The following TGFBR3 variants were observed in gnomAD, a reference collection of about 807,000 sequenced individuals.
TGFBR3 encodes the protein transforming growth factor beta receptor type 3.
In TGFBR3, 46 loss-of-function variants were observed where a neutral mutation model predicts 87.9. The observed-to-expected ratio is 0.52, with a 90% CI of 0.41 to 0.67. The LOEUF (loss-of-function observed/expected upper bound fraction) is 0.67, where lower values mean the gene tolerates loss of function less well. TGFBR3 is among the 30% of genes least tolerant of loss of function. TGFBR3 has a pLI of 0.00. For synonymous variants in TGFBR3, 381 were observed against 391.6 expected (o/e 0.97, Z 0.32); for missense variants, 866 against 1,041.9 (o/e 0.83, Z 2.32).
In TGFBR3 at chr1:91,881,784, A is replaced by T. The variant is rs993234028; in HGVS notation, c.-114+4094T>A. 3.3e-5 allele frequency among the ~76,000 whole-genome samples: 5 copies of T among 152,178 alleles called. No individual in the cohort carries two copies. In the East Asian group the frequency reaches 9.6e-4, roughly 29 times the overall value. ...GCCGGGCACAGTCGCTCACGCCTAT[A>T]ATCCCAGCACTTTGGGAGGCCGAGG... On this transcript the variant is annotated intron_variant, in intron 1 of 16. Coordinates refer to ENST00000212355, the MANE Select transcript of TGFBR3 (RefSeq NM_003243.5).
chr1:91,790,468 A>C (rs992140845), intron 3 of TGFBR3, among the ~76,000 whole-genome samples: 6 of 152,224 alleles, frequency 3.9e-5, no homozygotes, highest in Non-Finnish European at 8.8e-5. Context: ...AATGCATGAC[A>C]GTATCTGTTA....
intron 2 of TGFBR3, among the ~76,000 whole-genome samples, chr1:91,841,362 C>T (rs1471673023): frequency 6.6e-6 from 1 of 152,226 alleles, no homozygotes; most frequent in Non-Finnish European, 1.5e-5. Context: ...TAACAACACT[C>T]TTAAAGGAAA....
At chr1:91,733,645 A>C (rs2100821190) in intron 5 of TGFBR3, among the ~76,000 whole-genome samples, 1 of 152,332 alleles carries the variant, frequency 6.6e-6, no homozygotes. Context: ...CGCAGTGTTC[A>C]CACAATCAGC....
At chr1:91,882,454 G>A (rs562584438) in intron 1 of TGFBR3, among the ~76,000 whole-genome samples, 1 of 151,310 alleles carries the variant, frequency 6.6e-6, no homozygotes, top group Non-Finnish European at 1.5e-5. Flanking sequence ...TTTTTTAAAA[G>A]TCAAGTTTGG....
At chr1:91,835,063 G>A (rs955307904) in intron 2 of TGFBR3, among the ~76,000 whole-genome samples, 4 of 152,150 alleles carry the variant, frequency 2.6e-5, no homozygotes, top group African/African-American at 7.2e-5. Context: ...TTATGCAAGT[G>A]GGGGGCCCAG....
chr1:91,771,962 G>T (rs771664846), intron 3 of TGFBR3, among the ~76,000 whole-genome samples: 5 of 152,072 alleles, frequency 3.3e-5, no homozygotes, highest in Admixed American at 6.6e-5. Context: ...AATGGGGAAA[G>T]GTGGATCTAA....
intron 3 of TGFBR3, among the ~76,000 whole-genome samples, chr1:91,789,609 C>T (rs1360280764): frequency 1.3e-5 from 2 of 152,182 alleles, no homozygotes; most frequent in African/African-American, 4.8e-5. Context: ...TCCTAAACCC[C>T]GGTGTTTGCT....
At chr1:91,716,527 C>G (rs1412539682) in intron 11 of TGFBR3, 41 bp downstream of exon 11, 1 of 1,614,058 alleles carries the variant, frequency 6.2e-7, no homozygotes, top group Admixed American at 1.7e-5. Context: ...ACAAAATAGA[C>G]AGCATTTTCC....
intron 4 of TGFBR3, among the ~76,000 whole-genome samples, chr1:91,738,449 A>C (rs1328922701): frequency 6.6e-6 from 1 of 152,134 alleles, no homozygotes; most frequent in Non-Finnish European, 1.5e-5. Context: ...CTTGGTAATA[A>C]GTGAACTCTC....
intron 3 of TGFBR3, among the ~76,000 whole-genome samples, chr1:91,759,383 C>CAAAAAAAAA (rs35600646): frequency 1.2e-5 from 1 of 84,736 alleles, no homozygotes; most frequent in Non-Finnish European, 2.2e-5. Context: ...CAGCCCCTGT[C>CAAAAAAAAA]AAAAAAAAAA....
At chr1:91,864,508 C>T (rs1290412060) in intron 1 of TGFBR3, among the ~76,000 whole-genome samples, 2 of 152,176 alleles carry the variant, frequency 1.3e-5, no homozygotes, top group Non-Finnish European at 2.9e-5. Flanking sequence ...AAAAAGGGAG[C>T]TTTTCTTCTT....
intron 2 of TGFBR3, among the ~76,000 whole-genome samples, chr1:91,852,994 A>G (rs1571573953): frequency 8.6e-6 from 1 of 116,810 alleles, no homozygotes; most frequent in South Asian, 2.7e-4. Context: ...ATCTCTACAG[A>G]AAAAAAACAC....
chr1:91,708,759 T>C lies in TGFBR3; in HGVS notation c.2191A>G (p.Thr731Ala), dbSNP rs755397132. ...CAGATTATCGAGGCGTCCAGCGAGGTGCAGGCTTCGTCAGGAGGCACACAC... is the reference window on the plus strand; with the variant it reads ...CAGATTATCGAGGCGTCCAGCGAGGCGCAGGCTTCGTCAGGAGGCACACAC... ...PKCVPPDEACTSLDASIIWAM... is the reference protein window; with the variant it reads ...PKCVPPDEACASLDASIIWAM... Residue 731 changes from threonine (T) to alanine (A), a missense_variant, in exon 14 of 17, where the codon ACC becomes GCC. Transcript: ENST00000212355. The C allele has an allele frequency of 6.8e-6, 11 of 1,613,856 alleles. No individual in the cohort carries two copies. Among genetic ancestry groups the C allele is most frequent in the African/African-American group, 1.3e-5 (1 of 74,878 alleles).
intron 7 of TGFBR3, among the ~76,000 whole-genome samples, chr1:91,726,037 C>A (rs1672537513): frequency 6.6e-6 from 1 of 152,138 alleles, no homozygotes; most frequent in Non-Finnish European, 1.5e-5. Flanking sequence ...GTAATGTTGT[C>A]ATGCATTGTC....
chr1:91,731,850 A>G (rs1184316160), intron 5 of TGFBR3, among the ~76,000 whole-genome samples: 1 of 152,214 alleles, frequency 6.6e-6, no homozygotes, highest in African/African-American at 2.4e-5. Context: ...GCCACTAGGA[A>G]AGGTCTAATT....
chr1:91,738,612 G>A (rs4309029), intron 4 of TGFBR3, among the ~76,000 whole-genome samples: 144,515 of 152,326 alleles, frequency 0.95, 69,056 homozygotes, highest in East Asian at 1. Context: ...TCTCCCCAGA[G>A]GCAGATGTTG....
intron 1 of TGFBR3, among the ~76,000 whole-genome samples, chr1:91,865,219 AG>A (rs373665470): frequency 0.029 from 3,921 of 135,776 alleles, 147 homozygotes; most frequent in African/African-American, 0.074. Flanking sequence ...AAAAAAAAAA[AG>A]AAAAAAAGAA....
At chr1:91,741,844 G>T (rs986865572) in intron 4 of TGFBR3, among the ~76,000 whole-genome samples, 1 of 152,004 alleles carries the variant, frequency 6.6e-6, no homozygotes, top group South Asian at 2.1e-4. Context: ...CCTCCCAGCC[G>T]CTATTCCTGT....
At chr1:91,821,871 G>A (rs914449364) in intron 2 of TGFBR3, among the ~76,000 whole-genome samples, 3 of 152,148 alleles carry the variant, frequency 2.0e-5, no homozygotes, top group African/African-American at 7.2e-5. Context: ...TCAATAAATG[G>A]CAGCTTTTAT....
Sources: gnomAD v4.1 joint callset for allele counts (sites outside exome capture counted in the v4.1 genomes callset) on GRCh38, gnomAD v4.1.1 for gene constraint, MANE v1.5 for transcripts, NCBI Gene and HGNC (gene_info 2026-07-23, HGNC 2026-07-21) for gene names.